SLC13A1: variants seen among roughly 807,000 people sequenced by gnomAD.
SLC13A1 encodes the protein Na(+)/sulfate cotransporter.
SLC13A1 carries 65 observed loss-of-function variants against 70.0 expected under a neutral mutation model. That is an observed-to-expected ratio of 0.93 (90% CI 0.76 to 1.14). The LOEUF (loss-of-function observed/expected upper bound fraction) is 1.14. Ranked by LOEUF, SLC13A1 falls within the 50% of genes most tolerant of loss-of-function variation. SLC13A1 has a pLI of 0.00. For synonymous variants in SLC13A1, 275 were observed against 250.5 expected (o/e 1.10, Z -0.92); for missense variants, 726 against 717.8 (o/e 1.01, Z -0.13).
chr7:123,140,675 T>C (rs548479230), intron 7 of SLC13A1, among the ~76,000 whole-genome samples: 3 of 152,168 alleles, frequency 2.0e-5, no homozygotes, highest in African/African-American at 7.2e-5. Context: ...GGCTAGGAAT[T>C]TGTCCATTTC....
At chr7:123,199,756 T>C (rs1290875904) in intron 1 of SLC13A1, 92 bp downstream of exon 1, 1 of 911,866 alleles carries the variant, frequency 1.1e-6, no homozygotes, top group African/African-American at 1.6e-5. Flanking sequence ...TTCATTCAGC[T>C]CTGAGCCAGG....
intron 6 of SLC13A1, among the ~76,000 whole-genome samples, chr7:123,165,684 A>G (rs747134174): frequency 2.0e-5 from 3 of 152,142 alleles, no homozygotes; most frequent in Non-Finnish European, 2.9e-5. Context: ...TTGGATGAAG[A>G]GATATTTATA....
chr7:123,142,350 C>T (rs1209613424), intron 7 of SLC13A1, among the ~76,000 whole-genome samples: 1 of 152,164 alleles, frequency 6.6e-6, no homozygotes, highest in African/African-American at 2.4e-5. Flanking sequence ...GACTCCCCCT[C>T]CTTCCCAGGA....
intron 1 of SLC13A1, among the ~76,000 whole-genome samples, chr7:123,187,042 G>C (rs17145513): frequency 1.3e-5 from 2 of 151,696 alleles, no homozygotes; most frequent in South Asian, 4.1e-4. Flanking sequence ...ATCTCTGTAC[G>C]TGTTACGACT....
chr7:123,175,465 A>G (rs1795415512), intron 2 of SLC13A1, among the ~76,000 whole-genome samples: 1 of 152,120 alleles, frequency 6.6e-6, no homozygotes, highest in Non-Finnish European at 1.5e-5. Context: ...ACCCAAATTC[A>G]TATGTTGGCA....
intron 1 of SLC13A1, among the ~76,000 whole-genome samples, chr7:123,190,019 G>T (rs1050763138): frequency 1.3e-5 from 2 of 152,072 alleles, no homozygotes; most frequent in African/African-American, 4.8e-5. Context: ...TTATACATAT[G>T]TTGGGGCTCT....
intron 6 of SLC13A1, 58 bp from the exon 7 acceptor site, chr7:123,147,368 A>C: frequency 6.4e-7 from 1 of 1,574,296 alleles, no homozygotes; most frequent in Non-Finnish European, 8.6e-7. Context: ...TTATGGACTG[A>C]ATATTTGTGT....
intron 6 of SLC13A1, among the ~76,000 whole-genome samples, chr7:123,154,694 G>C (rs1038557364): frequency 1.1e-4 from 17 of 151,988 alleles, no homozygotes; most frequent in Admixed American, 8.5e-4. Flanking sequence ...ACCTACTACT[G>C]AATCAGTCCC....
chr7:123,150,034 C>T lies in SLC13A1; in HGVS notation c.661-2724G>A, dbSNP rs920726234. ...GTCATGTCTGCTTCTGAGTAGCCAG[C>T]TACTGTTGTTAAAAATTACATGCAC... On this transcript the variant is annotated intron_variant, in intron 6 of 14. Transcript: ENST00000194130. Among the ~76,000 whole-genome samples, 51 of 152,136 alleles carry T rather than the reference C, an allele frequency of 3.4e-4. 1 individual carries two copies. Among genetic ancestry groups the T allele is most frequent in the African/African-American group, 1.2e-3 (49 of 41,428 alleles).
chr7:123,150,635 A>C (rs1236840964), intron 6 of SLC13A1, among the ~76,000 whole-genome samples: 1 of 152,060 alleles, frequency 6.6e-6, no homozygotes, highest in Non-Finnish European at 1.5e-5. Context: ...CCCACAATGC[A>C]CTTCCTGTGA....
intron 1 of SLC13A1, among the ~76,000 whole-genome samples, chr7:123,194,030 A>G (rs1471423113): frequency 6.6e-6 from 1 of 152,152 alleles, no homozygotes; most frequent in Non-Finnish European, 1.5e-5. Context: ...CAACACAGTT[A>G]TTAACTATCT....
chr7:123,161,706 A>G (rs749848947), intron 6 of SLC13A1, among the ~76,000 whole-genome samples: 20 of 152,142 alleles, frequency 1.3e-4, no homozygotes, highest in Non-Finnish European at 2.4e-4. Flanking sequence ...AATTGTTGCT[A>G]TATTTGGTCT....
chr7:123,190,385 C>T (rs1432764200), intron 1 of SLC13A1: 3 of 334,786 alleles, frequency 9.0e-6, no homozygotes, highest in Non-Finnish European at 1.8e-5. Flanking sequence ...ATGCAACTTT[C>T]ATAAACAAAA....
intron 2 of SLC13A1, among the ~76,000 whole-genome samples, chr7:123,175,130 T>C (rs1025336377): frequency 6.6e-6 from 1 of 151,996 alleles, no homozygotes; most frequent in Admixed American, 6.6e-5. Flanking sequence ...TGGCACTCAA[T>C]GGATGTTAAA....
At chr7:123,176,939 G>A (rs1563348991) in intron 2 of SLC13A1, among the ~76,000 whole-genome samples, 1 of 152,076 alleles carries the variant, frequency 6.6e-6, no homozygotes, top group Non-Finnish European at 1.5e-5. Flanking sequence ...ATCTCATCAA[G>A]TCTTAGGGCT....
chr7:123,173,511 G>C (rs949428798), intron 2 of SLC13A1, among the ~76,000 whole-genome samples: 7 of 152,006 alleles, frequency 4.6e-5, no homozygotes. Flanking sequence ...ATAAATGCTT[G>C]ATAAATTTTT....
At chr7:123,126,405 A>T (rs1464829265) in intron 10 of SLC13A1, among the ~76,000 whole-genome samples, 2 of 152,200 alleles carry the variant, frequency 1.3e-5, no homozygotes, top group African/African-American at 4.8e-5. Flanking sequence ...GATTCCCAGA[A>T]GCCTCAACAG....
intron 1 of SLC13A1, among the ~76,000 whole-genome samples, chr7:123,182,050 C>A (rs1440069131): frequency 6.6e-6 from 1 of 152,090 alleles, no homozygotes; most frequent in Admixed American, 6.6e-5. Flanking sequence ...TCTAAGATAT[C>A]CTTAATAAGC....
chr7:123,176,188 T>G (rs1307239833), intron 2 of SLC13A1, among the ~76,000 whole-genome samples: 2 of 152,192 alleles, frequency 1.3e-5, no homozygotes, highest in African/African-American at 2.4e-5. Flanking sequence ...TTGTTAAACT[T>G]AAGAAAAAAA....
Sources: gnomAD v4.1 joint callset for allele counts (sites outside exome capture counted in the v4.1 genomes callset) on GRCh38, gnomAD v4.1.1 for gene constraint, MANE v1.5 for transcripts, NCBI Gene and HGNC (gene_info 2026-07-23, HGNC 2026-07-21) for gene names.